CAST: variants seen among roughly 807,000 people sequenced by gnomAD.
CAST encodes MIR583 host.
Under a neutral mutation model 119.6 loss-of-function variants are expected in CAST, and 76 were observed. That is an observed-to-expected ratio of 0.64 (90% CI 0.53 to 0.77). The LOEUF (loss-of-function observed/expected upper bound fraction) is 0.77, where lower values mean the gene tolerates loss of function less well. Among genes scored for constraint, CAST ranks in the 30% least tolerant of loss-of-function variants. The probability of loss-of-function intolerance (pLI) is 0.00; values close to 1 mark genes in which losing one functional copy is unlikely to be tolerated. For synonymous variants in CAST, 319 were observed against 331.6 expected (o/e 0.96, Z 0.41); for missense variants, 953 against 946.5 (o/e 1.01, Z -0.09).
the CAST span, among the ~76,000 whole-genome samples, chr5:96,132,581 C>T: frequency 1.3e-5 from 2 of 152,094 alleles, no homozygotes; most frequent in African/African-American, 4.8e-5. Context: ...TTCCCAACCT[C>T]TAATAACCAC....
the CAST span, among the ~76,000 whole-genome samples, chr5:96,117,617 G>T: frequency 5.9e-5 from 9 of 152,144 alleles, no homozygotes; most frequent in African/African-American, 1.9e-4. Context: ...TAAACTCTGG[G>T]CAGATATGTT....
At chr5:96,055,167 G>T in the CAST span, among the ~76,000 whole-genome samples, 2 of 151,746 alleles carry the variant, frequency 1.3e-5, no homozygotes, top group Admixed American at 1.3e-4. Context: ...TCCTTTACCA[G>T]GTCCTCCCAC....
chr5:96,118,281 T>G, the CAST span, among the ~76,000 whole-genome samples: 1 of 152,140 alleles, frequency 6.6e-6, no homozygotes, highest in African/African-American at 2.4e-5. Context: ...TTGTGAATGC[T>G]TTGAGTAGGC....
chr5:96,058,433 C>T, the CAST span, among the ~76,000 whole-genome samples: 3 of 152,112 alleles, frequency 2.0e-5, no homozygotes, highest in Non-Finnish European at 2.9e-5. Flanking sequence ...CCTTCATTTT[C>T]CCACAGGTGT....
At chr5:96,572,778 T>G (rs1359969615) in intron 1 of CAST, among the ~76,000 whole-genome samples, 2 of 152,178 alleles carry the variant, frequency 1.3e-5, no homozygotes, top group Non-Finnish European at 2.9e-5. Context: ...AGGCTTTCTC[T>G]TTCCTCAGGC....
chr5:96,313,313 T>A, the CAST span, among the ~76,000 whole-genome samples: 1 of 152,180 alleles, frequency 6.6e-6, no homozygotes, highest in East Asian at 1.9e-4. Flanking sequence ...ATTTATTTCC[T>A]CATGACCCTT....
At chr5:96,438,041 T>C in the CAST span, among the ~76,000 whole-genome samples, 1 of 152,198 alleles carries the variant, frequency 6.6e-6, no homozygotes, top group Non-Finnish European at 1.5e-5. Flanking sequence ...GATTGTTATA[T>C]CTTGCCTAAC....
chr5:96,380,381 A>C, the CAST span, among the ~76,000 whole-genome samples: 1 of 152,192 alleles, frequency 6.6e-6, no homozygotes, highest in Non-Finnish European at 1.5e-5. Flanking sequence ...ATGAAATGTG[A>C]AGTTTATATA....
At chr5:96,345,323 A>C in the CAST span, among the ~76,000 whole-genome samples, 1 of 150,668 alleles carries the variant, frequency 6.6e-6, no homozygotes, top group Non-Finnish European at 1.5e-5. Flanking sequence ...ATGCTTGCTT[A>C]ATACATGTGT....
intron 1 of CAST, among the ~76,000 whole-genome samples, chr5:96,582,634 C>T (rs1049162604): frequency 1.3e-5 from 2 of 152,156 alleles, no homozygotes; most frequent in African/African-American, 4.8e-5. Context: ...GAGCAGTGCG[C>T]GGCTGGAAGC....
the CAST span, among the ~76,000 whole-genome samples, chr5:96,170,813 A>C: frequency 1.3e-4 from 20 of 152,134 alleles, no homozygotes; most frequent in Admixed American, 8.5e-4. Context: ...CACCTTTTTA[A>C]GAGGAAATTG....
chr5:96,750,327 C>T (rs1262511652), intron 19 of CAST, among the ~76,000 whole-genome samples: 1 of 152,020 alleles, frequency 6.6e-6, no homozygotes, highest in Non-Finnish European at 1.5e-5. Flanking sequence ...TGTCATTGTT[C>T]TCATTTTACA....
intron 3 of CAST, among the ~76,000 whole-genome samples, chr5:96,708,733 C>T (rs913964333): frequency 1.3e-5 from 2 of 152,200 alleles, no homozygotes; most frequent in African/African-American, 4.8e-5. Flanking sequence ...TCAACTGATT[C>T]ACCTGCCTCG....
the CAST span, among the ~76,000 whole-genome samples, chr5:96,122,127 T>C: frequency 6.6e-6 from 1 of 152,180 alleles, no homozygotes; most frequent in Non-Finnish European, 1.5e-5. Context: ...TAGGATACTG[T>C]TGAACAATGG....
chr5:96,750,848 T>C (rs1369315086), intron 20 of CAST, among the ~76,000 whole-genome samples, 166 bp downstream of exon 20: 1 of 152,200 alleles, frequency 6.6e-6, no homozygotes, highest in Non-Finnish European at 1.5e-5. Context: ...AGGGGTGTCG[T>C]AGAAATTCAG....
chr5:95,998,792 G>C, the CAST span, among the ~76,000 whole-genome samples: 1 of 152,112 alleles, frequency 6.6e-6, no homozygotes, highest in South Asian at 2.1e-4. Flanking sequence ...GGATCAAATG[G>C]TAGTTCTATT....
chr5:96,738,308 C>T (rs991735541), intron 11 of CAST, among the ~76,000 whole-genome samples: 2 of 151,922 alleles, frequency 1.3e-5, no homozygotes, highest in Admixed American at 6.6e-5. Context: ...GGCGACAGAG[C>T]GAGACTCCAT....
intron 1 of CAST, among the ~76,000 whole-genome samples, chr5:96,656,436 C>T (rs1208082492): frequency 6.6e-6 from 1 of 152,124 alleles, no homozygotes; most frequent in African/African-American, 2.4e-5. Context: ...AGTGGAAGGT[C>T]GTAAGGAAGC....
the CAST span, among the ~76,000 whole-genome samples, chr5:96,222,430 C>A: frequency 6.6e-6 from 1 of 152,046 alleles, no homozygotes; most frequent in East Asian, 1.9e-4. Context: ...AGCAAATAAT[C>A]CCATTAAAAA....
Sources: allele counts gnomAD v4.1 joint callset (sites outside exome capture counted in the v4.1 genomes callset), GRCh38; gene constraint gnomAD v4.1.1; transcripts MANE v1.5; gene names NCBI Gene and HGNC (gene_info 2026-07-23, HGNC 2026-07-21).